Variants in RNF157 observed in about 807,000 individuals in gnomAD.
The protein encoded by RNF157 is E3 ubiquitin ligase RNF157.
A neutral mutation model predicts 88.3 loss-of-function variants in RNF157; 55 were observed. That is an observed-to-expected ratio of 0.62 (90% CI 0.50 to 0.78). The LOEUF (loss-of-function observed/expected upper bound fraction) is 0.78. Among genes scored for constraint, RNF157 ranks in the 30% least tolerant of loss-of-function variants. The pLI, the probability that RNF157 is intolerant of heterozygous loss-of-function variation, is 0.00. For missense variants in RNF157, 788 were observed against 860.8 expected, an observed-to-expected ratio of 0.92 and a Z score of 1.06; for synonymous variants, 334 against 341.2, an observed-to-expected ratio of 0.98 and a Z score of 0.23.
intron 1 of RNF157, among the ~76,000 whole-genome samples, chr17:76,234,661 C>G (rs912360836): frequency 3.3e-5 from 5 of 152,054 alleles, no homozygotes; most frequent in African/African-American, 1.2e-4. Flanking sequence ...CACTGTATAT[C>G]TTTTTTGGAG....
chr17:76,216,476 G>A (rs1245626471), intron 1 of RNF157, among the ~76,000 whole-genome samples: 2 of 152,206 alleles, frequency 1.3e-5, no homozygotes, highest in African/African-American at 4.8e-5. Context: ...TCTGGGTGTG[G>A]TGGCTCACAC....
At chr17:76,235,487 T>A (rs994060423) in intron 1 of RNF157, among the ~76,000 whole-genome samples, 1 of 152,188 alleles carries the variant, frequency 6.6e-6, no homozygotes, top group African/African-American at 2.4e-5. Context: ...CGTGAGCCAC[T>A]GCGCCCAGCC....
rs1353685668 is a variant in RNF157 at position 76,161,176 on chromosome 17, C to A, written c.1065+359G>T. Among the ~76,000 whole-genome samples the A allele has an allele frequency of 1.3e-5, 2 of 152,180 alleles. No individual in the cohort carries two copies. The highest frequency in any genetic ancestry group is 2.9e-5 in the Non-Finnish European group (2 of 68,014). ...CAGGATAAAGAAAAACAGTTACTTT[C>A]TTCGAGGATTCAAATAAAGATAATA... On this transcript the variant is annotated intron_variant, in intron 11 of 18. Coordinates refer to ENST00000269391, the MANE Select transcript of RNF157 (RefSeq NM_052916.3). The surrounding 1 kb of genome is among the most constrained non-coding windows in gnomAD (Gnocchi z 4.6).
intron 1 of RNF157, among the ~76,000 whole-genome samples, chr17:76,235,103 T>C (rs904701179): frequency 3.9e-5 from 6 of 152,224 alleles, no homozygotes; most frequent in Non-Finnish European, 7.3e-5. Context: ...AGGGTAGCGA[T>C]AGTCCTCCAA....
chr17:76,174,076 T>TA (rs889117041), intron 2 of RNF157, among the ~76,000 whole-genome samples: 86 of 147,772 alleles, frequency 5.8e-4, no homozygotes, highest in Middle Eastern at 3.5e-3. Context: ...GAATTAATAA[T>TA]AAAAAAAAAA....
Position 76,197,638 on chromosome 17 carries a change from T to C in RNF157, c.207+14726A>G, listed in dbSNP as rs187011765. On this transcript the variant is annotated intron_variant, in intron 2 of 18. Transcript: ENST00000269391. Reference sequence around the variant, plus strand: ...GGCTTGGAGTGCAGTGGTGTGAACATAGTTCACTGCAGCCTCAAACTTCTG... The same window carrying C: ...GGCTTGGAGTGCAGTGGTGTGAACACAGTTCACTGCAGCCTCAAACTTCTG... Among the ~76,000 whole-genome samples, 451 of 152,306 alleles carry C rather than the reference T, an allele frequency of 3.0e-3. 2 individuals carry two copies. The highest frequency in any genetic ancestry group is 3.9e-3 in the Non-Finnish European group (266 of 68,024).
intron 18 of RNF157, chr17:76,145,600 G>A (rs2068573220): frequency 2.3e-6 from 1 of 431,350 alleles, no homozygotes; most frequent in African/African-American, 2.0e-5. Flanking sequence ...CGGACAGGGA[G>A]GGACATGAAA....
rs970598760 is a variant in RNF157, at chr17:76,152,548, T to C, written c.1811-83A>G. The C allele has an allele frequency of 1.6e-5, 13 of 800,268 alleles. No individual in the cohort carries two copies. In the African/African-American group the frequency reaches 1.7e-4, roughly 11 times the overall value. 49.6% of individuals were successfully genotyped at this position (800,268 alleles called of 1,614,324 possible). On this transcript the variant is annotated intron_variant, in intron 17 of 18. Coordinates refer to ENST00000269391, the MANE Select transcript of RNF157 (RefSeq NM_052916.3). ...GTCCTTAAAATAAAAATCTTAAGGA[T>C]GGAGACAAAAAAAATCAAATCATAT...
intron 18 of RNF157, chr17:76,147,100 C>A (rs2068596843): frequency 1.0e-6 from 1 of 985,176 alleles, no homozygotes. Flanking sequence ...GGGGTGGGTA[C>A]TGGAGCCTGG....
Position 76,167,894 on chromosome 17 carries a change from T to C in RNF157, c.297-97A>G, listed in dbSNP as rs534306780. On this transcript the variant is annotated intron_variant, in intron 3 of 18. Transcript: ENST00000269391. ...GCAATATATTGTGGGCTTCTCTGAA[T>C]GATCATAAGCATAGGTCTACCTCTT... 47 of 1,181,734 alleles carry C rather than the reference T, an allele frequency of 4.0e-5. No individual in the cohort carries two copies. In the East Asian group the frequency reaches 1.1e-3, roughly 28 times the overall value. The allele number at this position is 1,181,734 out of a possible 1,614,324, so 73.2% of individuals were successfully genotyped here. A position where few individuals can be genotyped will look rare whatever the true frequency, so the allele number is the denominator to read the frequency against.
chr17:76,145,775 C>T (rs1379013009), intron 18 of RNF157, among the ~76,000 whole-genome samples: 5 of 152,108 alleles, frequency 3.3e-5, no homozygotes, highest in Non-Finnish European at 5.9e-5. Flanking sequence ...GAAGACTGTT[C>T]GTTCTGGCCG....
rs2068950789 is a variant in RNF157, at chr17:76,167,722, A to G, written c.372T>C (p.Phe124=). ...AKVHYNVEFT[F]DTDARVAITI... is the part of the protein sequence containing the mutation. ...TGATGGCTACCCGAGCATCTGTGTC[A>G]AAGGTGAACTCAACATTGTAGTGGA... The change falls in exon 4 of 19, where the codon TTT becomes TTC. Residue 124 remains phenylalanine, a synonymous_variant. Transcript: ENST00000269391. 6.2e-7 allele frequency: 1 copy of G among 1,614,106 alleles called. No homozygotes were observed. Among genetic ancestry groups the G allele is most frequent in the Non-Finnish European group, 8.5e-7 (1 of 1,180,048 alleles).
At chr17:76,163,585 T>C (rs999919578) in intron 8 of RNF157, 1 of 152,214 alleles carries the variant, frequency 6.6e-6, no homozygotes, top group Non-Finnish European at 1.5e-5. Flanking sequence ...CCTGCCCCAT[T>C]TACTTTTAGG....
intron 7 of RNF157, 45 bp downstream of exon 7, chr17:76,165,457 G>GA (rs765846586): frequency 6.2e-7 from 1 of 1,603,942 alleles, no homozygotes; most frequent in South Asian, 1.1e-5. Context: ...TCACACGAAA[G>GA]AAAGGGCTAA....
intron 3 of RNF157, 144 bp from the exon 4 acceptor site, chr17:76,167,941 G>T: frequency 1.3e-6 from 1 of 798,726 alleles, no homozygotes; most frequent in Non-Finnish European, 2.0e-6. Flanking sequence ...ATCACAGAGT[G>T]CTTCATGACC....
At chr17:76,211,085 G>A (rs977919404) in intron 2 of RNF157, among the ~76,000 whole-genome samples, 3 of 152,250 alleles carry the variant, frequency 2.0e-5, no homozygotes, top group Non-Finnish European at 4.4e-5. Context: ...GATTACAGGT[G>A]TTGGCCACTG....
intron 8 of RNF157, 154 bp from the exon 9 acceptor site, chr17:76,162,777 A>G: frequency 1.9e-6 from 1 of 524,864 alleles, no homozygotes; most frequent in East Asian, 3.3e-5. Context: ...AGATGCTTTT[A>G]TTTACTTATG....
chr17:76,151,263 G>C (rs779099510), intron 18 of RNF157, among the ~76,000 whole-genome samples: 1 of 152,362 alleles, frequency 6.6e-6, no homozygotes, highest in East Asian at 1.9e-4. Context: ...AATAGAAAAT[G>C]ACTCAAGAAA....
At chr17:76,210,359 C>A (rs1296795130) in intron 2 of RNF157, among the ~76,000 whole-genome samples, 3 of 151,792 alleles carry the variant, frequency 2.0e-5, no homozygotes, top group East Asian at 2.0e-4. Context: ...TTTGGGAGGC[C>A]AAGGTGGGCG....
Sources: allele counts gnomAD v4.1 joint callset (sites outside exome capture counted in the v4.1 genomes callset), GRCh38; gene constraint gnomAD v4.1.1; non-coding constraint Gnocchi (gnomAD v3.1); transcripts MANE v1.5; gene names NCBI Gene and HGNC (gene_info 2026-07-23, HGNC 2026-07-21).